The following VRK2 variants were observed in gnomAD, a reference collection of about 807,000 sequenced individuals.
The protein encoded by VRK2 is serine/threonine-protein kinase VRK2.
VRK2 carries 60 observed loss-of-function variants against 57.6 expected under a neutral mutation model. The observed-to-expected ratio is 1.04, with a 90% CI of 0.85 to 1.29. VRK2 has a LOEUF of 1.29. Among genes scored for constraint, VRK2 ranks in the 50% most tolerant of loss-of-function variants. The pLI is 0.00. For missense variants in VRK2, 705 were observed against 588.1 expected, an observed-to-expected ratio of 1.20 and a Z score of -2.06; for synonymous variants, 231 against 199.2, an observed-to-expected ratio of 1.16 and a Z score of -1.35.
intron 1 of VRK2, among the ~76,000 whole-genome samples, chr2:57,995,773 T>C (rs749132998): frequency 4.6e-5 from 7 of 152,238 alleles, no homozygotes; most frequent in African/African-American, 1.7e-4. Context: ...GAACATTCTA[T>C]GTGAAACTGC....
intron 2 of VRK2, among the ~76,000 whole-genome samples, chr2:58,051,546 A>C (rs3771203): frequency 0.086 from 13,124 of 152,292 alleles, 616 homozygotes; most frequent in East Asian, 0.11. Context: ...TGAAGAGAAG[A>C]AGCAGTAAAA....
intron 1 of VRK2, among the ~76,000 whole-genome samples, chr2:57,945,993 T>C (rs1458735861): frequency 6.6e-6 from 1 of 152,106 alleles, no homozygotes; most frequent in Non-Finnish European, 1.5e-5. Flanking sequence ...CTACTGAATA[T>C]CCAGATGAAA....
chr2:57,952,115 TAG>T (rs761647842), intron 1 of VRK2, among the ~76,000 whole-genome samples: 1 of 151,368 alleles, frequency 6.6e-6, no homozygotes, highest in African/African-American at 2.4e-5. Context: ...TTTATATTTA[TAG>T]AGAGAGAGAG....
chr2:58,034,203 C>CTT (rs1674203551), intron 3 of VRK2, among the ~76,000 whole-genome samples: 1 of 151,988 alleles, frequency 6.6e-6, no homozygotes, highest in Non-Finnish European at 1.5e-5. Flanking sequence ...AATACTTAAA[C>CTT]TCACAAATTT....
At chr2:58,109,269 C>A (rs775998374) in intron 7 of VRK2, among the ~76,000 whole-genome samples, 5 of 151,924 alleles carry the variant, frequency 3.3e-5, no homozygotes, top group Admixed American at 6.6e-5. Context: ...GTCCCTCAAC[C>A]CCTAGGAGCC....
intron 2 of VRK2, among the ~76,000 whole-genome samples, chr2:58,062,232 G>T (rs754059012): frequency 6.6e-6 from 1 of 151,914 alleles, no homozygotes; most frequent in Non-Finnish European, 1.5e-5. Flanking sequence ...CATACAAGAC[G>T]GTGAATTTAA....
At chr2:58,076,236 A>G (rs1442643838) in intron 2 of VRK2, among the ~76,000 whole-genome samples, 5 of 151,654 alleles carry the variant, frequency 3.3e-5, no homozygotes, top group Admixed American at 6.6e-5. Flanking sequence ...TAAGTCCATC[A>G]TAAATTGAAA....
At position 58,123,118 on chromosome 2, in the gene VRK2, TGG is replaced by T; in HGVS notation, c.562_563del (p.Gly188ThrfsTer19). 6.2e-7 allele frequency: 1 copy of T among 1,600,420 alleles called. No homozygotes were observed. The highest frequency in any genetic ancestry group is 1.1e-5 in the South Asian group (1 of 87,918). On this transcript the variant is annotated frameshift_variant, in exon 8 of 13. Coordinates refer to ENST00000340157, the MANE Select transcript of VRK2 (RefSeq NM_006296.7). LOFTEE classifies it high-confidence loss of function. Reference protein sequence around the residue: ...NPDQVYLADYGLSYRYCPNGN... With the variant: ...NPDQVYLADYXLSYRYCPNGN... Reference sequence around the variant, plus strand: ...TCTTCCAGGTTTATCTTGCAGATTATGGACTTTCCTACAGATATTGTCCCAAT... The same window carrying T: ...TCTTCCAGGTTTATCTTGCAGATTATACTTTCCTACAGATATTGTCCCAAT...
At chr2:57,951,025 A>C (rs1390402876) in intron 1 of VRK2, among the ~76,000 whole-genome samples, 4 of 151,980 alleles carry the variant, frequency 2.6e-5, no homozygotes, top group African/African-American at 9.7e-5. Context: ...CCAGGAGGCA[A>C]AGGTTGCAGT....
chr2:57,964,061 C>T (rs1671838243), intron 1 of VRK2, among the ~76,000 whole-genome samples: 2 of 152,102 alleles, frequency 1.3e-5, no homozygotes, highest in Non-Finnish European at 1.5e-5. Flanking sequence ...ATGATTGAGC[C>T]TCAAACAAAG....
chr2:58,148,821 AG>A (rs1682553462), intron 12 of VRK2, among the ~76,000 whole-genome samples: 1 of 151,738 alleles, frequency 6.6e-6, no homozygotes, highest in Non-Finnish European at 1.5e-5. Flanking sequence ...TGTGTGTGTG[AG>A]CCTATTTCTG....
At chr2:57,982,275 C>A (rs1217518219) in intron 1 of VRK2, among the ~76,000 whole-genome samples, 1 of 152,182 alleles carries the variant, frequency 6.6e-6, no homozygotes, top group Non-Finnish European at 1.5e-5. Flanking sequence ...CTGAGGTATT[C>A]CCAGTTTGCT....
chr2:57,986,950 G>A (rs1234700528), intron 1 of VRK2, among the ~76,000 whole-genome samples: 1 of 152,042 alleles, frequency 6.6e-6, no homozygotes, highest in Non-Finnish European at 1.5e-5. Flanking sequence ...CTAATTGTTA[G>A]ATAAAGGATA....
intron 8 of VRK2, among the ~76,000 whole-genome samples, chr2:58,128,784 AC>A (rs1678746051): frequency 6.6e-6 from 1 of 152,200 alleles, no homozygotes; most frequent in Admixed American, 6.5e-5. Context: ...GCTAATACTT[AC>A]TTTAAATTGT....
At chr2:58,128,585 G>T (rs1678708485) in intron 8 of VRK2, among the ~76,000 whole-genome samples, 1 of 152,120 alleles carries the variant, frequency 6.6e-6, no homozygotes, top group Non-Finnish European at 1.5e-5. Context: ...GCCCACCTCA[G>T]CCTCCCAAAG....
At chr2:58,085,086 T>C in intron 4 of VRK2, 136 bp downstream of exon 4, 1 of 698,300 alleles carries the variant, frequency 1.4e-6, no homozygotes, top group Non-Finnish European at 2.3e-6. Context: ...CAGTTAACTG[T>C]TACAACATAT....
rs1383541034 is a variant in VRK2, at chr2:58,097,657, A to G, written c.543+7934A>G. ...CCTGTAAGATTATATTGGAGCTGGA[A>G]AGTTTCTATTGCCTAGTAATATCAC... On this transcript the variant is annotated intron_variant, in intron 7 of 12. Transcript: ENST00000340157. Among the ~76,000 whole-genome samples the G allele has an allele frequency of 2.6e-5, 4 of 152,168 alleles. No individual in the cohort carries two copies. In the South Asian group the frequency reaches 8.3e-4, roughly 31 times the overall value.
chr2:58,155,481 G>A (rs1278436372), intron 12 of VRK2, among the ~76,000 whole-genome samples: 1 of 151,180 alleles, frequency 6.6e-6, no homozygotes, highest in Non-Finnish European at 1.5e-5. Flanking sequence ...CTGCCTTACA[G>A]TTTTGGTAGT....
chr2:57,949,844 T>G (rs1172369905), intron 1 of VRK2, among the ~76,000 whole-genome samples: 1 of 152,230 alleles, frequency 6.6e-6, no homozygotes, highest in African/African-American at 2.4e-5. Flanking sequence ...ATTTAAAAAG[T>G]ACTAATCCAG....
Sources: allele counts gnomAD v4.1 joint callset (sites outside exome capture counted in the v4.1 genomes callset), GRCh38; gene constraint gnomAD v4.1.1; transcripts MANE v1.5; gene names NCBI Gene and HGNC (gene_info 2026-07-23, HGNC 2026-07-21).